ARHGEF3: variants seen among roughly 807,000 people sequenced by gnomAD.
ARHGEF3 encodes the protein 59.8 kDA protein.
In ARHGEF3, 28 loss-of-function variants were observed where a neutral mutation model predicts 63.2. The ratio of observed to expected loss-of-function variants is 0.44; its 90% confidence interval spans 0.33 to 0.61. ARHGEF3 has a LOEUF of 0.61. Among genes scored for constraint, ARHGEF3 ranks in the 20% least tolerant of loss-of-function variants. The pLI is 0.03. For missense variants in ARHGEF3, 533 were observed against 659.3 expected (o/e 0.81, Z 2.10); for synonymous variants, 266 against 254.2 (o/e 1.05, Z -0.44).
chr3:56,869,232 G>A (rs1439837702), intron 4 of ARHGEF3, among the ~76,000 whole-genome samples: 1 of 152,100 alleles, frequency 6.6e-6, no homozygotes, highest in Non-Finnish European at 1.5e-5. Flanking sequence ...ACCCATTCAG[G>A]TTTCCCTGCA....
upstream of ARHGEF3, among the ~76,000 whole-genome samples, chr3:56,805,766 C>T (rs1475037628): frequency 2.0e-5 from 3 of 152,166 alleles, no homozygotes. Flanking sequence ...GAGAGACAGA[C>T]AGAGGCAGAG....
At chr3:56,958,946 C>A in intron 2 of ARHGEF3, 1 of 1,483,842 alleles carries the variant, frequency 6.7e-7, no homozygotes, top group South Asian at 1.2e-5. Context: ...CAGAGGAAGT[C>A]ACTGCTTTCA....
At position 56,921,986 on chromosome 3, in the gene ARHGEF3, T is replaced by C. The variant is rs1239647850; in HGVS notation, c.129+36837A>G. On this transcript the variant is annotated intron_variant, in intron 3 of 12. Coordinates refer to the ARHGEF3 transcript ENST00000338458. ...AGCAATCGCCTGAGCTCTGTCTTTATTCTCTCTAAACAAATCTGAACTTTT... is the reference window on the plus strand; with the variant it reads ...AGCAATCGCCTGAGCTCTGTCTTTACTCTCTCTAAACAAATCTGAACTTTT... Among the ~76,000 whole-genome samples, 3 of 152,306 alleles carry C rather than the reference T, an allele frequency of 2.0e-5. No homozygotes were observed. In the East Asian group the frequency reaches 5.8e-4, roughly 29 times the overall value.
chr3:56,817,542 C>G (rs961210787), intron 4 of ARHGEF3, among the ~76,000 whole-genome samples: 2 of 152,288 alleles, frequency 1.3e-5, no homozygotes, highest in East Asian at 1.9e-4. Context: ...ACCATTATGA[C>G]TTGGGAAGTT....
chr3:56,858,262 A>C (rs2108176099), intron 4 of ARHGEF3, among the ~76,000 whole-genome samples: 1 of 151,866 alleles, frequency 6.6e-6, no homozygotes, highest in African/African-American at 2.4e-5. Flanking sequence ...AAAAAAAAAA[A>C]AAAAGGCTTC....
intron 3 of ARHGEF3, among the ~76,000 whole-genome samples, chr3:56,950,397 T>C (rs1340226089): frequency 6.6e-6 from 1 of 151,900 alleles, no homozygotes; most frequent in Non-Finnish European, 1.5e-5. Flanking sequence ...AAAAGGCTAA[T>C]ATCCAGAATC....
At chr3:56,902,389 T>C (rs377071257) in intron 3 of ARHGEF3, among the ~76,000 whole-genome samples, 1 of 152,128 alleles carries the variant, frequency 6.6e-6, no homozygotes, top group Non-Finnish European at 1.5e-5. Flanking sequence ...AAGAAATGCA[T>C]GAAATGAGAA....
chr3:56,890,021 C>T (rs1206122382), intron 3 of ARHGEF3, among the ~76,000 whole-genome samples: 2 of 152,088 alleles, frequency 1.3e-5, no homozygotes, highest in African/African-American at 2.4e-5. Context: ...AAGGTCGCAC[C>T]ACTGCACTCC....
chr3:56,745,864 G>A (rs1445884541), intron 6 of ARHGEF3, among the ~76,000 whole-genome samples: 1 of 152,110 alleles, frequency 6.6e-6, no homozygotes, highest in East Asian at 1.9e-4. Context: ...GTAGAGATGG[G>A]GTTTCAACGT....
intron 1 of ARHGEF3, among the ~76,000 whole-genome samples, chr3:56,795,702 G>A (rs1205061744): frequency 1.4e-5 from 2 of 140,348 alleles, no homozygotes; most frequent in Non-Finnish European, 3.0e-5. Flanking sequence ...TCAGACTGGA[G>A]TGGCGCTCGG....
chr3:56,993,694 T>C (rs1011029944), intron 2 of ARHGEF3, among the ~76,000 whole-genome samples: 5 of 151,846 alleles, frequency 3.3e-5, no homozygotes, highest in Non-Finnish European at 4.4e-5. Flanking sequence ...ATACATTGCT[T>C]AACCTTCCTG....
chr3:56,989,741 C>G (rs1003614170), intron 2 of ARHGEF3, among the ~76,000 whole-genome samples: 1 of 152,210 alleles, frequency 6.6e-6, no homozygotes, highest in African/African-American at 2.4e-5. Context: ...TAGGAACAAC[C>G]CTGACTTCAT....
At chr3:56,735,629 G>T (rs1048496778) in intron 8 of ARHGEF3, among the ~76,000 whole-genome samples, 3 of 152,084 alleles carry the variant, frequency 2.0e-5, no homozygotes, top group African/African-American at 7.2e-5. Context: ...TTTCTCATTG[G>T]GCTTCCTAGA....
chr3:56,966,122 A>C lies in ARHGEF3; in HGVS notation c.63-7233T>G, dbSNP rs540977778. On this transcript the variant is annotated intron_variant, in intron 2 of 12. Coordinates refer to the ARHGEF3 transcript ENST00000338458. ...TGTTTATAGTCATATATATGTAATAAAAATGTAAAAACTCCAGATGTTAAG... is the reference window on the plus strand; with the variant it reads ...TGTTTATAGTCATATATATGTAATACAAATGTAAAAACTCCAGATGTTAAG... Among the ~76,000 whole-genome samples, 3 of 152,376 alleles carry C rather than the reference A, an allele frequency of 2.0e-5. No homozygotes were observed. In the South Asian group the frequency reaches 6.2e-4, roughly 32 times the overall value.
intron 1 of ARHGEF3, among the ~76,000 whole-genome samples, chr3:57,039,063 C>G (rs576300813): frequency 6.6e-6 from 1 of 152,122 alleles, no homozygotes; most frequent in Admixed American, 6.5e-5. Flanking sequence ...TGGAAAGTTT[C>G]GTGTTAATCT....
chr3:56,996,890 A>ATTTTTTTTTTT (rs534187681), intron 2 of ARHGEF3, among the ~76,000 whole-genome samples: 1 of 136,508 alleles, frequency 7.3e-6, no homozygotes, highest in African/African-American at 2.7e-5. Flanking sequence ...TATTATTATT[A>ATTTTTTTTTTT]TTTTTTTTTT....
At chr3:57,002,420 A>G (rs1702233070) in intron 2 of ARHGEF3, among the ~76,000 whole-genome samples, 1 of 111,530 alleles carries the variant, frequency 9.0e-6, no homozygotes, top group South Asian at 2.9e-4. Context: ...CACTGTTCTA[A>G]GCACTATATA....
At chr3:56,875,183 GC>G (rs1018743382) in intron 4 of ARHGEF3, among the ~76,000 whole-genome samples, 1 of 152,108 alleles carries the variant, frequency 6.6e-6, no homozygotes, top group African/African-American at 2.4e-5. Flanking sequence ...ATGTATAGTA[GC>G]ACAGTGCCCA....
intron 3 of ARHGEF3, among the ~76,000 whole-genome samples, chr3:56,939,200 A>G (rs1699055592): frequency 6.6e-6 from 1 of 152,298 alleles, no homozygotes; most frequent in East Asian, 1.9e-4. Flanking sequence ...TTCAATTCCC[A>G]TTCCCAGATT....
Sources: allele counts gnomAD v4.1 joint callset (sites outside exome capture counted in the v4.1 genomes callset), GRCh38; gene constraint gnomAD v4.1.1; transcripts MANE v1.5; gene names NCBI Gene and HGNC (gene_info 2026-07-23, HGNC 2026-07-21).